POLA1: variants seen among roughly 807,000 people sequenced by gnomAD.
The protein encoded by POLA1 is DNA polymerase alpha catalytic subunit.
In POLA1, 15 loss-of-function variants were observed where a neutral mutation model predicts 124.0. The observed-to-expected ratio is 0.12, with a 90% CI of 0.08 to 0.19. The LOEUF (loss-of-function observed/expected upper bound fraction) is 0.19, where lower values mean the gene tolerates loss of function less well. Ranked by LOEUF, POLA1 falls within the 10% of genes least tolerant of loss-of-function variation. The pLI is 1.00. For missense variants in POLA1, 886 were observed against 1,103.4 expected (o/e 0.80, Z 2.79); for synonymous variants, 408 against 389.4 (o/e 1.05, Z -0.56).
Position 24,877,581 on chromosome X carries a change from C to T in POLA1, c.4048-10425C>T, listed in dbSNP as rs541597879. On this transcript the variant is annotated intron_variant, in intron 34 of 36. Transcript: ENST00000379068. ...AGAAGAGTAAAGACAAGTGGCTAAA[C>T]TGAAAGGTTTGTCACCATGATGATT... Among the ~76,000 whole-genome samples the T allele has an allele frequency of 5.4e-5, 6 of 111,988 alleles. No homozygotes were observed. The South Asian group carries it at 2.2e-3, about 42-fold the overall frequency.
At chrX:24,772,108 T>G (rs762174054) in intron 26 of POLA1, among the ~76,000 whole-genome samples, 80 of 111,758 alleles carry the variant, frequency 7.2e-4, no homozygotes, top group Non-Finnish European at 1.3e-3. Flanking sequence ...ATAAACTAAA[T>G]TTTTATGATT....
chrX:24,783,669 C>T (rs2045308533), intron 26 of POLA1, among the ~76,000 whole-genome samples: 1 of 111,265 alleles, frequency 9.0e-6, no homozygotes, highest in African/African-American at 3.3e-5. Flanking sequence ...ATAAAAATAC[C>T]AGGCCATTCT....
chrX:24,757,053 A>T (rs1488354946), intron 26 of POLA1, among the ~76,000 whole-genome samples: 1 of 111,130 alleles, frequency 9.0e-6, no homozygotes, highest in Non-Finnish European at 1.9e-5. Context: ...TGAAGGTTTA[A>T]TGTATTTTGG....
chrX:24,702,962 GT>G (rs913331849), intron 2 of POLA1, among the ~76,000 whole-genome samples: 2 of 112,282 alleles, frequency 1.8e-5, no homozygotes, highest in African/African-American at 6.5e-5. Flanking sequence ...CTATAATTCA[GT>G]TTGTTTTTTA....
chrX:24,995,359 C>G (rs185574393), intron 36 of POLA1, among the ~76,000 whole-genome samples: 425 of 112,129 alleles, frequency 3.8e-3, no homozygotes, highest in Non-Finnish European at 6.3e-3. Flanking sequence ...AAAATGCTTA[C>G]TAGGCCCAGC....
intron 36 of POLA1, among the ~76,000 whole-genome samples, chrX:24,936,540 G>T (rs776709975): frequency 6.4e-5 from 7 of 109,465 alleles, no homozygotes; most frequent in Admixed American, 2.9e-4. Flanking sequence ...CTGTTTTTTG[G>T]TTTTTTTTTG....
chrX:24,720,606 C>T (rs11573332), intron 10 of POLA1, among the ~76,000 whole-genome samples: 387 of 111,973 alleles, frequency 3.5e-3, no homozygotes, highest in African/African-American at 0.012. Flanking sequence ...TCCCCCACAA[C>T]CCCACAAAGT....
chrX:24,724,123 GT>G (rs1439137973), intron 11 of POLA1, among the ~76,000 whole-genome samples: 1 of 112,308 alleles, frequency 8.9e-6, no homozygotes, highest in South Asian at 3.7e-4. Flanking sequence ...TCGCTGATTT[GT>G]TTTTTATGAT....
At chrX:24,803,014 TAATAA>T (rs892643562) in intron 26 of POLA1, among the ~76,000 whole-genome samples, 3 of 110,761 alleles carry the variant, frequency 2.7e-5, no homozygotes, top group African/African-American at 9.9e-5. Flanking sequence ...AAAATAACAA[TAATAA>T]AATAAAAGAT....
intron 26 of POLA1, among the ~76,000 whole-genome samples, chrX:24,781,073 G>A (rs1206060262): frequency 1.8e-5 from 2 of 112,272 alleles, no homozygotes; most frequent in South Asian, 3.7e-4. Context: ...TTATTGGCAC[G>A]AAGTTTTTAA....
At chrX:24,972,117 T>C (rs945989258) in intron 36 of POLA1, among the ~76,000 whole-genome samples, 4 of 110,455 alleles carry the variant, frequency 3.6e-5, no homozygotes, top group Non-Finnish European at 7.6e-5. Context: ...TGCAGGTGCC[T>C]GCCACCACGC....
At chrX:24,735,041 AG>A (rs1931187449) in intron 17 of POLA1, among the ~76,000 whole-genome samples, 1 of 112,369 alleles carries the variant, frequency 8.9e-6, no homozygotes, top group African/African-American at 3.2e-5. Flanking sequence ...TAAACAGTGA[AG>A]TCTACCAGGG....
intron 26 of POLA1, among the ~76,000 whole-genome samples, chrX:24,768,845 TACA>T (rs2044967070): frequency 8.9e-6 from 1 of 112,058 alleles, no homozygotes; most frequent in African/African-American, 3.2e-5. Flanking sequence ...TTTATTCTTT[TACA>T]TGCAGTGTAA....
At chrX:24,702,186 AG>A (rs1424785424) in intron 2 of POLA1, among the ~76,000 whole-genome samples, 1 of 109,650 alleles carries the variant, frequency 9.1e-6, no homozygotes, top group Non-Finnish European at 1.9e-5. Context: ...CTCCTGCCTC[AG>A]CCTCCTGAGT....
At chrX:24,822,382 A>C in intron 31 of POLA1, among the ~76,000 whole-genome samples, 1 of 112,793 alleles carries the variant, frequency 8.9e-6, no homozygotes, top group Middle Eastern at 4.6e-3. Context: ...TTTTTAAAGA[A>C]ATTAAGTTTT....
At chrX:24,705,235 T>C (rs1602248192) in intron 4 of POLA1, among the ~76,000 whole-genome samples, 1 of 111,949 alleles carries the variant, frequency 8.9e-6, no homozygotes, top group East Asian at 2.8e-4. Flanking sequence ...TAGAACATTT[T>C]TGTTACCCCA....
intron 28 of POLA1, among the ~76,000 whole-genome samples, chrX:24,812,008 C>T (rs2045909766): frequency 1.8e-5 from 2 of 112,507 alleles, no homozygotes; most frequent in South Asian, 7.3e-4. Flanking sequence ...AACTTCCTAT[C>T]TTTCCCTCCT....
Position 24,989,462 on chromosome X carries a change from G to C in POLA1, c.4262-6343G>C, listed in dbSNP as rs763201220. 1.7e-4 allele frequency among the ~76,000 whole-genome samples: 18 copies of C among 107,423 alleles called. No individual in the cohort carries two copies. The East Asian group carries it at 2.0e-3, about 12-fold the overall frequency. The allele number at this position is 107,423 out of a possible 115,157, so 93.3% of individuals were successfully genotyped here. On this transcript the variant is annotated intron_variant, in intron 36 of 36. Coordinates refer to ENST00000379068, the MANE Select transcript of POLA1 (RefSeq NM_001330360.2). The stretch of plus-strand genomic sequence containing the variant: ...TTTTTTTGAGACAGGGTCTTACTCT[G>C]TTGCCCAGGCTGGAGTGCGGTGGCA...
intron 35 of POLA1, among the ~76,000 whole-genome samples, chrX:24,891,008 A>G (rs1387571131): frequency 4.4e-5 from 5 of 112,415 alleles, no homozygotes; most frequent in Non-Finnish European, 7.5e-5. Flanking sequence ...ATTACTTCTT[A>G]GAAAATCAAC....
Sources: allele counts gnomAD v4.1 joint callset (sites outside exome capture counted in the v4.1 genomes callset), GRCh38; gene constraint gnomAD v4.1.1; transcripts MANE v1.5; gene names NCBI Gene and HGNC (gene_info 2026-07-23, HGNC 2026-07-21).